NOVA1: variants seen among roughly 807,000 people sequenced by gnomAD.
NOVA1 encodes the protein NOVA alternative splicing regulator 1, also known as RNA-binding protein Nova-1.
A neutral mutation model predicts 38.0 loss-of-function variants in NOVA1; 7 were observed. That is an observed-to-expected ratio of 0.18 (90% CI 0.10 to 0.35). The LOEUF (loss-of-function observed/expected upper bound fraction) is 0.35, where lower values mean the gene tolerates loss of function less well. Ranked by LOEUF, NOVA1 falls within the 10% of genes least tolerant of loss-of-function variation. NOVA1 has a pLI of 1.00. For missense variants in NOVA1, 460 were observed against 616.0 expected (o/e 0.75, Z 2.68); for synonymous variants, 270 against 232.5 (o/e 1.16, Z -1.47).
intron 1 of NOVA1, chr14:26,596,996 G>A (rs889005886): frequency 4.8e-6 from 6 of 1,238,166 alleles, no homozygotes; most frequent in African/African-American, 4.6e-5. Flanking sequence ...TCTTGCCCAG[G>A]TCTAGGATAT....
chr14:26,484,618 C>T (rs1193080366), intron 2 of NOVA1, among the ~76,000 whole-genome samples: 2 of 152,134 alleles, frequency 1.3e-5, no homozygotes, highest in Middle Eastern at 3.4e-3. Flanking sequence ...TTTCTACTTC[C>T]TCATCACCCA....
intron 2 of NOVA1, among the ~76,000 whole-genome samples, chr14:26,495,480 T>C (rs1252423309): frequency 1.3e-5 from 2 of 152,198 alleles, no homozygotes; most frequent in Non-Finnish European, 2.9e-5. Context: ...ATGAGCCCTA[T>C]TATAACAAGC....
chr14:26,582,729 A>G (rs940664274), intron 2 of NOVA1, among the ~76,000 whole-genome samples: 5 of 151,854 alleles, frequency 3.3e-5, no homozygotes, highest in African/African-American at 1.2e-4. Flanking sequence ...AGCCAGATAG[A>G]TCTTATGCAG....
chr14:26,451,188 C>G (rs1462604823), intron 4 of NOVA1, among the ~76,000 whole-genome samples: 1 of 152,022 alleles, frequency 6.6e-6, no homozygotes, highest in Non-Finnish European at 1.5e-5. Flanking sequence ...GCACATCAGT[C>G]TCACATTATA....
At chr14:26,519,022 T>C (rs1393192282) in intron 2 of NOVA1, among the ~76,000 whole-genome samples, 2 of 152,102 alleles carry the variant, frequency 1.3e-5, no homozygotes, top group Non-Finnish European at 2.9e-5. Flanking sequence ...ATAATCTTTA[T>C]CAAAATTTTG....
At chr14:26,529,922 T>C (rs1384847825) in intron 2 of NOVA1, among the ~76,000 whole-genome samples, 1 of 152,110 alleles carries the variant, frequency 6.6e-6, no homozygotes, top group Non-Finnish European at 1.5e-5. Flanking sequence ...ATAAACTATC[T>C]GAATCTAAAA....
chr14:26,484,312 T>C (rs1266491563), intron 2 of NOVA1, among the ~76,000 whole-genome samples: 1 of 151,124 alleles, frequency 6.6e-6, no homozygotes, highest in African/African-American at 2.4e-5. Flanking sequence ...GGCGGGCACC[T>C]GTAGTCCCAG....
chr14:26,463,056 C>T (rs530239249), intron 4 of NOVA1, among the ~76,000 whole-genome samples: 1 of 152,208 alleles, frequency 6.6e-6, no homozygotes, highest in African/African-American at 2.4e-5. Flanking sequence ...TATTGTATGA[C>T]AATATTCTAG....
At chr14:26,576,422 T>C (rs1892846514) in intron 2 of NOVA1, among the ~76,000 whole-genome samples, 1 of 151,722 alleles carries the variant, frequency 6.6e-6, no homozygotes, top group African/African-American at 2.4e-5. Flanking sequence ...AACTCCCAGC[T>C]GACAGGCATA....
At chr14:26,485,617 T>A (rs942506206) in intron 2 of NOVA1, among the ~76,000 whole-genome samples, 77 of 152,244 alleles carry the variant, frequency 5.1e-4, no homozygotes, top group Non-Finnish European at 9.7e-4. Context: ...GAGACATTAT[T>A]CAAACCAGAG....
At chr14:26,508,620 G>A (rs1396941303) in intron 2 of NOVA1, among the ~76,000 whole-genome samples, 1 of 151,496 alleles carries the variant, frequency 6.6e-6, no homozygotes, top group African/African-American at 2.4e-5. Flanking sequence ...ACTAGACAAT[G>A]TAAACATTAT....
chr14:26,483,279 C>T (rs1471667629), intron 2 of NOVA1, among the ~76,000 whole-genome samples: 2 of 152,218 alleles, frequency 1.3e-5, no homozygotes, highest in Admixed American at 6.5e-5. Context: ...TGATCCATCA[C>T]TTATGCACTG....
At chr14:26,478,505 C>A (rs113476595) in intron 3 of NOVA1, among the ~76,000 whole-genome samples, 1 of 151,912 alleles carries the variant, frequency 6.6e-6, no homozygotes, top group African/African-American at 2.4e-5. Flanking sequence ...TACTTCAGTG[C>A]TTATTCTGTA....
intron 2 of NOVA1, among the ~76,000 whole-genome samples, chr14:26,508,708 A>T (rs1030753628): frequency 1.2e-4 from 18 of 152,156 alleles, no homozygotes; most frequent in African/African-American, 4.1e-4. Flanking sequence ...TAAGGCAATA[A>T]AGGATTAGTA....
Position 26,587,311 on chromosome 14 carries a change from A to T in NOVA1, c.280+8099T>A, listed in dbSNP as rs1243307822. Among the ~76,000 whole-genome samples, 3 of 150,204 alleles carry T rather than the reference A, an allele frequency of 2.0e-5. 1 individual carries two copies. Among genetic ancestry groups the T allele is most frequent in the Non-Finnish European group, 4.5e-5 (3 of 67,034 alleles). On this transcript the variant is annotated intron_variant, in intron 2 of 4. Transcript: ENST00000539517. ...TTTAACAGGGATCTAAAATATATAA[A>T]AAAAAAAAAAAACAAAAATCTAAGG...
chr14:26,546,438 G>A (rs1890793318), intron 2 of NOVA1, among the ~76,000 whole-genome samples: 1 of 152,100 alleles, frequency 6.6e-6, no homozygotes, highest in Non-Finnish European at 1.5e-5. Flanking sequence ...ATAAAAATAT[G>A]TACCTAATTT....
chr14:26,513,631 G>A (rs1461625011), intron 2 of NOVA1, among the ~76,000 whole-genome samples: 3 of 151,426 alleles, frequency 2.0e-5, no homozygotes, highest in Non-Finnish European at 3.0e-5. Flanking sequence ...ATGAAAGAAA[G>A]TACAATATTT....
At chr14:26,476,718 CTT>C (rs1222564781) in intron 3 of NOVA1, among the ~76,000 whole-genome samples, 7 of 139,158 alleles carry the variant, frequency 5.0e-5, no homozygotes, top group Admixed American at 1.5e-4. Context: ...TTTTTCTTTT[CTT>C]TTTTTTTTTT....
chr14:26,574,283 CCCCT>C (rs1594563005), intron 2 of NOVA1, among the ~76,000 whole-genome samples: 8 of 117,236 alleles, frequency 6.8e-5, no homozygotes, highest in East Asian at 3.1e-4. Context: ...CCCCCCCCGC[CCCCT>C]CGGCCTCCCA....
Sources: allele counts gnomAD v4.1 joint callset (sites outside exome capture counted in the v4.1 genomes callset), GRCh38; gene constraint gnomAD v4.1.1; transcripts MANE v1.5; gene names NCBI Gene and HGNC (gene_info 2026-07-23, HGNC 2026-07-21).